RGS8: variants seen among roughly 807,000 people sequenced by gnomAD.
The protein encoded by RGS8 is regulator of G-protein signaling 8.
Under a neutral mutation model 21.7 loss-of-function variants are expected in RGS8, and 8 were observed. The observed-to-expected ratio is 0.37, with a 90% confidence interval of 0.22 to 0.66. The LOEUF (loss-of-function observed/expected upper bound fraction) is 0.66, where lower values mean the gene tolerates loss of function less well. Ranked by LOEUF, RGS8 falls within the 30% of genes least tolerant of loss-of-function variation. The pLI is 0.59. For synonymous variants in RGS8, 80 were observed against 83.6 expected (o/e 0.96, Z 0.24); for missense variants, 157 against 217.9 (o/e 0.72, Z 1.76).
chr1:182,662,351 G>A (rs986073508), intron 5 of RGS8, among the ~76,000 whole-genome samples: 3 of 152,102 alleles, frequency 2.0e-5, no homozygotes, highest in Non-Finnish European at 4.4e-5. Flanking sequence ...ATTGGTTATT[G>A]CCCAGCCTCT....
the RGS8 span, among the ~76,000 whole-genome samples, chr1:182,702,989 A>G: frequency 6.6e-6 from 1 of 152,196 alleles, no homozygotes; most frequent in African/African-American, 2.4e-5. Flanking sequence ...GAACACTTGG[A>G]TTGTTTCCAG....
chr1:182,672,849 T>G, upstream of RGS8: 3 of 1,614,200 alleles, frequency 1.9e-6, no homozygotes, highest in Non-Finnish European at 1.7e-6. Context: ...CCTGCTTCAG[T>G]TCCAGAAGGA....
upstream of RGS8, among the ~76,000 whole-genome samples, chr1:182,675,776 T>A (rs79908862): frequency 1.3e-5 from 2 of 152,202 alleles, no homozygotes; most frequent in Non-Finnish European, 2.9e-5. Flanking sequence ...TAGCACCACC[T>A]TGCTGTAAGG....
At chr1:182,675,534 T>G (rs564215622), upstream of RGS8, among the ~76,000 whole-genome samples, 1 of 152,296 alleles carries the variant, frequency 6.6e-6, no homozygotes, top group South Asian at 2.1e-4. Flanking sequence ...TGGGCTCCAT[T>G]GCACCTCCTT....
the RGS8 span, among the ~76,000 whole-genome samples, chr1:182,732,303 C>CACACACACACA: frequency 1.0e-5 from 1 of 95,720 alleles, no homozygotes; most frequent in African/African-American, 4.6e-5. Flanking sequence ...ACACACACAC[C>CACACACACACA]CACTGTAGCA....
the RGS8 span, among the ~76,000 whole-genome samples, chr1:182,747,724 G>A: frequency 6.6e-6 from 1 of 152,070 alleles, no homozygotes; most frequent in South Asian, 2.1e-4. Flanking sequence ...GTTAGTCCAG[G>A]CTTGGCCAGG....
upstream of RGS8, chr1:182,672,993 C>T (rs371089617): frequency 2.6e-6 from 2 of 770,830 alleles, no homozygotes; most frequent in Admixed American, 4.2e-5. Context: ...GAATCAGAAA[C>T]TCTGGGGACA....
chr1:182,740,960 A>G, the RGS8 span, among the ~76,000 whole-genome samples: 1 of 152,058 alleles, frequency 6.6e-6, no homozygotes, highest in Non-Finnish European at 1.5e-5. Context: ...ACCTCTTTCT[A>G]CACAGACACG....
At position 182,669,755 on chromosome 1, in the gene RGS8, A is replaced by G. The variant is rs1248590143; in HGVS notation, c.-103-3T>C. The G allele has an allele frequency of 1.5e-5, 23 of 1,583,342 alleles. No individual in the cohort carries two copies. Among genetic ancestry groups the G allele is most frequent in the Non-Finnish European group, 1.9e-5 (22 of 1,163,084 alleles). On this transcript the variant is annotated splice_region_variant and splice_polypyrimidine_tract_variant and intron_variant, in intron 2 of 6. Transcript: ENST00000483095. The stretch of plus-strand genomic sequence containing the variant: ...TTTACCCTTGCACGTCCTCTCACCT[A>G]AAATCAAAGAATCTGCTGTAAGAGG...
At chr1:182,737,342 A>C in the RGS8 span, among the ~76,000 whole-genome samples, 3 of 152,138 alleles carry the variant, frequency 2.0e-5, no homozygotes, top group Admixed American at 1.3e-4. Context: ...ATAAGGAAAT[A>C]AATTTTTTTA....
the RGS8 span, among the ~76,000 whole-genome samples, chr1:182,706,248 C>T: frequency 1.3e-5 from 2 of 151,998 alleles, no homozygotes; most frequent in Non-Finnish European, 2.9e-5. Context: ...TTCAGCCTCC[C>T]ACAGTGCTTG....
the RGS8 span, among the ~76,000 whole-genome samples, chr1:182,741,749 G>A: frequency 6.4e-4 from 67 of 105,412 alleles, no homozygotes; most frequent in Middle Eastern, 5.5e-3. Context: ...GGCTGGGCGG[G>A]GGGCTGACCC....
chr1:182,735,574 G>C, the RGS8 span, among the ~76,000 whole-genome samples: 1 of 152,150 alleles, frequency 6.6e-6, no homozygotes, highest in Non-Finnish European at 1.5e-5. Flanking sequence ...AAGATAAGCA[G>C]GGCGCTATGG....
At chr1:182,726,405 T>A in the RGS8 span, among the ~76,000 whole-genome samples, 1 of 152,178 alleles carries the variant, frequency 6.6e-6, no homozygotes, top group African/African-American at 2.4e-5. Flanking sequence ...GTGCGGTGGC[T>A]CACGCCTGTA....
At chr1:182,747,190 ATTC>A in the RGS8 span, among the ~76,000 whole-genome samples, 1 of 150,246 alleles carries the variant, frequency 6.7e-6, no homozygotes, top group African/African-American at 2.5e-5. Flanking sequence ...CTGAGCCACC[ATTC>A]CTGGCCCTGC....
At chr1:182,673,310 G>C (rs1331338695), upstream of RGS8, among the ~76,000 whole-genome samples, 1 of 152,128 alleles carries the variant, frequency 6.6e-6, no homozygotes, top group South Asian at 2.1e-4. Flanking sequence ...AGTCAGAGAG[G>C]GTATTATTAT....
rs760645661 is a variant in RGS8, at chr1:182,669,695, G to A, written c.-46C>T. On this transcript the variant is annotated 5_prime_UTR_variant, in exon 3 of 7. The change creates a new upstream start codon in the 5' untranslated region. Transcript: ENST00000483095. ...AACCCTTGGGCTGGTATGCAGGGAC[G>A]TCAGGGCAGGAAATAAGACTGCGGG... 75 of 1,613,768 alleles carry A rather than the reference G, an allele frequency of 4.6e-5. 1 individual carries two copies. Among genetic ancestry groups the A allele is most frequent in the East Asian group, 1.3e-4 (6 of 44,880 alleles).
At chr1:182,727,395 A>G in the RGS8 span, among the ~76,000 whole-genome samples, 8 of 152,208 alleles carry the variant, frequency 5.3e-5, no homozygotes, top group South Asian at 1.7e-3. Flanking sequence ...GGCTAATAAT[A>G]TGTCTGGAAT....
the RGS8 span, among the ~76,000 whole-genome samples, chr1:182,715,312 A>G: frequency 1.3e-5 from 2 of 152,164 alleles, no homozygotes; most frequent in African/African-American, 2.4e-5. Context: ...GGTGTCACAT[A>G]CACAACAAAT....
Sources: allele counts gnomAD v4.1 joint callset (sites outside exome capture counted in the v4.1 genomes callset), GRCh38; gene constraint gnomAD v4.1.1; transcripts MANE v1.5; gene names NCBI Gene and HGNC (gene_info 2026-07-23, HGNC 2026-07-21).